COBL: variants seen among roughly 807,000 people sequenced by gnomAD.
The protein encoded by COBL is cordon-bleu WH2 repeat protein.
In COBL, 51 loss-of-function variants were observed where a neutral mutation model predicts 98.8. That is an observed-to-expected ratio of 0.52 (90% CI 0.41 to 0.65). The LOEUF is 0.65. Ranked by LOEUF, COBL falls within the 30% of genes least tolerant of loss-of-function variation. The pLI is 0.00. For missense variants in COBL, 1,617 were observed against 1,617.5 expected (o/e 1.00, Z 0.01); for synonymous variants, 634 against 651.7 (o/e 0.97, Z 0.41).
At chr7:51,225,996 T>C (rs1794143565) in intron 1 of COBL, among the ~76,000 whole-genome samples, 1 of 152,260 alleles carries the variant, frequency 6.6e-6, no homozygotes, top group African/African-American at 2.4e-5. Context: ...GTCTCTGTAC[T>C]TTCCCAGACC....
chr7:51,101,493 A>G, intron 6 of COBL, among the ~76,000 whole-genome samples: 1 of 152,384 alleles, frequency 6.6e-6, no homozygotes, highest in East Asian at 1.9e-4. Context: ...ATAAGTGAGC[A>G]GAGTGAGGAT....
intron 1 of COBL, among the ~76,000 whole-genome samples, chr7:51,251,933 C>A (rs953455311): frequency 1.3e-5 from 2 of 152,020 alleles, no homozygotes; most frequent in African/African-American, 4.8e-5. Context: ...GTTCTGCACT[C>A]TAAAGTCCTT....
At chr7:51,073,078 G>A (rs1300534227) in intron 7 of COBL, 2 of 344,150 alleles carry the variant, frequency 5.8e-6, no homozygotes, top group South Asian at 1.4e-4. Context: ...TTCTTCACAG[G>A]AACATTTCCA....
At chr7:51,097,669 A>C (rs1795397209) in intron 6 of COBL, among the ~76,000 whole-genome samples, 1 of 152,210 alleles carries the variant, frequency 6.6e-6, no homozygotes, top group Admixed American at 6.5e-5. Context: ...ACAATCTAAA[A>C]AGGAAATTAA....
intron 6 of COBL, among the ~76,000 whole-genome samples, chr7:51,097,731 A>AAG (rs766914754): frequency 6.6e-6 from 1 of 152,130 alleles, no homozygotes; most frequent in Non-Finnish European, 1.5e-5. Flanking sequence ...ACTTAGAAAT[A>AAG]AGCTTAATCA....
intron 1 of COBL, among the ~76,000 whole-genome samples, chr7:51,287,656 T>C (rs1800496720): frequency 6.6e-6 from 1 of 152,288 alleles, no homozygotes; most frequent in Non-Finnish European, 1.5e-5. Context: ...GAAATGAAAC[T>C]GTAGGTTCAC....
At chr7:51,084,509 C>T (rs556736925) in intron 7 of COBL, among the ~76,000 whole-genome samples, 1 of 152,200 alleles carries the variant, frequency 6.6e-6, no homozygotes, top group Admixed American at 6.5e-5. Context: ...AGAAAATGAA[C>T]CCTTGACTCC....
intron 1 of COBL, among the ~76,000 whole-genome samples, chr7:51,238,366 G>C (rs1795467774): frequency 6.6e-6 from 1 of 152,170 alleles, no homozygotes; most frequent in Non-Finnish European, 1.5e-5. Flanking sequence ...ATGAGAAGGA[G>C]ACCCCTGCCC....
At chr7:51,190,768 T>C (rs1790028107) in intron 4 of COBL, 82 bp downstream of exon 4, 1 of 1,130,906 alleles carries the variant, frequency 8.8e-7, no homozygotes, top group Non-Finnish European at 1.3e-6. Flanking sequence ...CTGAGAGTGC[T>C]GGGGAGAGCC....
At chr7:51,066,156 A>T (rs1038879316) in intron 7 of COBL, among the ~76,000 whole-genome samples, 2 of 152,214 alleles carry the variant, frequency 1.3e-5, no homozygotes, top group Non-Finnish European at 2.9e-5. Flanking sequence ...GTGGCTTGAC[A>T]GGCCCACACA....
At chr7:51,072,734 C>G (rs1284876034) in intron 7 of COBL, 1 of 151,932 alleles carries the variant, frequency 6.6e-6, no homozygotes, top group Non-Finnish European at 1.5e-5. Flanking sequence ...AATAGAACAC[C>G]CTTCTTCTCC....
At chr7:51,151,884 C>G (rs767740182) in intron 5 of COBL, among the ~76,000 whole-genome samples, 3 of 152,230 alleles carry the variant, frequency 2.0e-5, no homozygotes, top group African/African-American at 4.8e-5. Flanking sequence ...AAGCCAGGGT[C>G]GCCCACCAGC....
chr7:51,058,485 C>T (rs187396776), intron 7 of COBL, among the ~76,000 whole-genome samples: 4 of 151,936 alleles, frequency 2.6e-5, no homozygotes, highest in African/African-American at 9.7e-5. Context: ...CCTGGGAAAT[C>T]GAGGCTGCAG....
In COBL at chr7:51,238,325, T is replaced by G. The variant is rs959454182; in HGVS notation, c.42-18381A>C. ...ATGGCTAGGCCACTCCGGGGTCCTT[T>G]CCCTGCAGTTCCCTCCACATACTGG... On this transcript the variant is annotated intron_variant, in intron 1 of 12. Transcript: ENST00000265136. 2.0e-5 allele frequency among the ~76,000 whole-genome samples: 3 copies of G among 152,302 alleles called. No individual in the cohort carries two copies. In the East Asian group the frequency reaches 5.8e-4, roughly 30 times the overall value.
chr7:51,186,069 C>T (rs748974689), intron 4 of COBL, among the ~76,000 whole-genome samples: 5 of 152,252 alleles, frequency 3.3e-5, no homozygotes, highest in African/African-American at 9.6e-5. Flanking sequence ...TGTGTGCAAA[C>T]GCGCTGTAAA....
chr7:51,085,175 T>A lies in COBL; in HGVS notation c.1087A>T (p.Ser363Cys), dbSNP rs767235801. 1.2e-6 allele frequency: 2 copies of A among 1,613,882 alleles called. No homozygotes were observed. The highest frequency in any genetic ancestry group is 1.3e-5 in the African/African-American group (1 of 74,986). Residue 363 changes from serine (S) to cysteine (C), a missense_variant, in exon 7 of 13, where the codon AGC becomes TGC. Transcript: ENST00000265136. ...RTEDKEENRK[S>C]TMVSLPLGSG... Reference sequence around the variant, plus strand: ...GCCGAGCCTCACTCACCCATCGTGCTCTTCCTGTTCTCCTCCTTATCCTCA... The same window carrying A: ...GCCGAGCCTCACTCACCCATCGTGCACTTCCTGTTCTCCTCCTTATCCTCA...
chr7:51,240,390 G>A (rs1221714276), intron 1 of COBL, among the ~76,000 whole-genome samples: 2 of 152,202 alleles, frequency 1.3e-5, no homozygotes, highest in African/African-American at 4.8e-5. Context: ...CATTGTAAGT[G>A]AAAATATCCA....
At chr7:51,260,122 G>C in intron 1 of COBL, 1 of 1,446,334 alleles carries the variant, frequency 6.9e-7, no homozygotes. Context: ...TTTTTCAGGA[G>C]ATTTTCTGGA....
At chr7:51,279,180 C>T (rs1049432723) in intron 1 of COBL, among the ~76,000 whole-genome samples, 1 of 152,210 alleles carries the variant, frequency 6.6e-6, no homozygotes, top group African/African-American at 2.4e-5. Context: ...ATTTTAAATT[C>T]ATCATGAAGT....
Sources: allele counts gnomAD v4.1 joint callset (sites outside exome capture counted in the v4.1 genomes callset), GRCh38; gene constraint gnomAD v4.1.1; transcripts MANE v1.5; gene names NCBI Gene and HGNC (gene_info 2026-07-23, HGNC 2026-07-21).